Variants in NEK10 observed in about 807,000 individuals in gnomAD.
NEK10 encodes NIMA related kinase 10, also known as serine/threonine-protein kinase Nek10.
A neutral mutation model predicts 159.8 loss-of-function variants in NEK10; 122 were observed. That is an observed-to-expected ratio of 0.76 (90% CI 0.66 to 0.89). NEK10 has a LOEUF of 0.89. Among genes scored for constraint, NEK10 ranks in the 40% least tolerant of loss-of-function variants. The probability of loss-of-function intolerance (pLI) is 0.00; values close to 1 mark genes in which losing one functional copy is unlikely to be tolerated. For missense variants in NEK10, 1,342 were observed against 1,323.1 expected, an observed-to-expected ratio of 1.01 and a Z score of -0.22; for synonymous variants, 466 against 457.1, an observed-to-expected ratio of 1.02 and a Z score of -0.25.
chr3:27,298,977 T>G (rs1156850842), intron 13 of NEK10, among the ~76,000 whole-genome samples: 1 of 152,150 alleles, frequency 6.6e-6, no homozygotes, highest in Non-Finnish European at 1.5e-5. Context: ...TTTGGAAAAT[T>G]TGCCATCTGA....
At position 27,131,954 on chromosome 3, in the gene NEK10, C is replaced by T. The variant is rs766066353; in HGVS notation, c.3007G>A (p.Val1003Ile). The T allele has an allele frequency of 1.2e-6, 2 of 1,608,426 alleles. No homozygotes were observed. The highest frequency in any genetic ancestry group is 8.5e-7 in the Non-Finnish European group (1 of 1,175,900). The change falls in exon 32 of 36, where the codon GTT becomes ATT. Residue 1003 changes from valine to isoleucine, a missense_variant. Coordinates refer to ENST00000691995, the MANE Select transcript of NEK10 (RefSeq NM_001394966.1). ...PALHHNLKRR[V>I]IERFKKSLFS... ...AGGGATTTCTTGAATCTCTCTATAA[C>T]CCTTCTTTTCAAATTGTGGTGCAAA...
At chr3:27,177,195 C>T (rs543201631) in intron 26 of NEK10, among the ~76,000 whole-genome samples, 125 of 152,192 alleles carry the variant, frequency 8.2e-4, no homozygotes, top group Non-Finnish European at 1.5e-3. Flanking sequence ...GATGCTTTTT[C>T]AGACTCTGTA....
At chr3:27,302,145 C>T (rs1471151865) in intron 12 of NEK10, among the ~76,000 whole-genome samples, 1 of 152,138 alleles carries the variant, frequency 6.6e-6, no homozygotes, top group Non-Finnish European at 1.5e-5. Context: ...CTTGATTATT[C>T]TCAGTTTCCT....
At chr3:27,176,428 G>A (rs1303885378) in intron 26 of NEK10, among the ~76,000 whole-genome samples, 2 of 152,268 alleles carry the variant, frequency 1.3e-5, no homozygotes, top group South Asian at 2.1e-4. Flanking sequence ...GCCGCTCTCT[G>A]GCAAAAGATA....
chr3:27,151,184 G>A lies in NEK10; in HGVS notation c.2870-9602C>T, dbSNP rs528294248. Reference sequence around the variant, plus strand: ...TGGTCTTTGGAAAACACCACCTCCCGGAAGGAGGCCAACCAGCACAAAAAC... The same window carrying A: ...TGGTCTTTGGAAAACACCACCTCCCAGAAGGAGGCCAACCAGCACAAAAAC... On this transcript the variant is annotated intron_variant, in intron 30 of 35. Transcript: ENST00000691995. Among the ~76,000 whole-genome samples the A allele has an allele frequency of 6.6e-5, 10 of 152,194 alleles. No individual in the cohort carries two copies. In the East Asian group the frequency reaches 1.7e-3, roughly 27 times the overall value.
chr3:27,173,232 T>C (rs530820685), intron 28 of NEK10, among the ~76,000 whole-genome samples: 5 of 152,150 alleles, frequency 3.3e-5, no homozygotes, highest in Admixed American at 6.5e-5. Flanking sequence ...TAAAATGTCA[T>C]GCAATAAAAT....
Position 27,279,581 on chromosome 3 carries a change from T to C in NEK10, c.2014+5021A>G, listed in dbSNP as rs528405711. ...ATCAATAGAGATAGACACTGAAAAA[T>C]ATTTCAGCACTATTATATTTAAAGT... On this transcript the variant is annotated intron_variant, in intron 22 of 35. Coordinates refer to ENST00000691995, the MANE Select transcript of NEK10 (RefSeq NM_001394966.1). Among the ~76,000 whole-genome samples the C allele has an allele frequency of 5.9e-5, 9 of 152,292 alleles. No homozygotes were observed. In the South Asian group the frequency reaches 1.9e-3, roughly 32 times the overall value.
intron 16 of NEK10, among the ~76,000 whole-genome samples, chr3:27,292,325 C>T (rs751371407): frequency 8.5e-5 from 13 of 152,126 alleles, no homozygotes; most frequent in African/African-American, 3.1e-4. Context: ...GGGTGTGGAG[C>T]ACTTTCACAA....
chr3:27,245,931 T>C (rs1421062547), intron 23 of NEK10, among the ~76,000 whole-genome samples: 1 of 152,158 alleles, frequency 6.6e-6, no homozygotes, highest in African/African-American at 2.4e-5. Context: ...AGGTATTAAA[T>C]GTTCAAAATG....
At chr3:27,159,194 T>A (rs934629099) in intron 30 of NEK10, among the ~76,000 whole-genome samples, 3 of 152,198 alleles carry the variant, frequency 2.0e-5, no homozygotes, top group Admixed American at 6.5e-5. Context: ...AAGTATGTTT[T>A]CATCATTTCT....
intron 23 of NEK10, among the ~76,000 whole-genome samples, chr3:27,230,702 A>T (rs1953150609): frequency 2.6e-5 from 4 of 152,074 alleles, no homozygotes; most frequent in Non-Finnish European, 5.9e-5. Context: ...AGAAATGAAA[A>T]GCAAGCAGGA....
intron 12 of NEK10, among the ~76,000 whole-genome samples, chr3:27,303,503 T>TA (rs2043994921): frequency 6.6e-6 from 1 of 152,216 alleles, no homozygotes; most frequent in Non-Finnish European, 1.5e-5. Context: ...TTGGCAATTG[T>TA]AATTATTTTG....
chr3:27,155,893 C>A (rs913902196), intron 30 of NEK10, among the ~76,000 whole-genome samples: 2 of 152,124 alleles, frequency 1.3e-5, no homozygotes, highest in Admixed American at 6.5e-5. Context: ...TCAAACTATA[C>A]TATAAGGCCA....
Position 27,284,840 on chromosome 3 carries a change from C to T in NEK10, c.1911G>A (p.Gln637=). 1 of 1,581,942 alleles carries T rather than the reference C, an allele frequency of 6.3e-7. No homozygotes were observed. The highest frequency in any genetic ancestry group is 2.2e-5 in the East Asian group (1 of 44,718). The change falls in exon 21 of 36, where the codon CAG becomes CAA. Residue 637 remains glutamine, a splice_region_variant and synonymous_variant. Transcript: ENST00000691995. The part of the protein sequence containing the change: ...TEERLWKIFI[Q]LCLALRYLHK... ...AAATTTAATGAAGATAAAAGCATAC[C>T]TGTATAAATATTTTCCATAGTCTTT...
At chr3:27,175,097 G>A (rs1273024678) in intron 26 of NEK10, among the ~76,000 whole-genome samples, 2 of 152,164 alleles carry the variant, frequency 1.3e-5, no homozygotes, top group Non-Finnish European at 2.9e-5. Flanking sequence ...ATATAACCCA[G>A]TAGCGGGGGG....
chr3:27,300,963 TC>T (rs1449529380), intron 13 of NEK10, among the ~76,000 whole-genome samples: 1 of 152,006 alleles, frequency 6.6e-6, no homozygotes, highest in Non-Finnish European at 1.5e-5. Context: ...CTCTCCCACT[TC>T]CCCACTCCCT....
chr3:27,239,694 G>T (rs547442364), intron 23 of NEK10, among the ~76,000 whole-genome samples: 4 of 152,146 alleles, frequency 2.6e-5, no homozygotes, highest in East Asian at 1.9e-4. Context: ...GAATCAAAAG[G>T]TTACAAAAAC....
rs1221101218 is a variant in NEK10 at position 27,314,306 on chromosome 3, G to A, written c.480C>T (p.Asn160=). Residue 160 remains asparagine (N), a synonymous_variant, in exon 7 of 36, where the codon AAC becomes AAT. Coordinates refer to ENST00000691995, the MANE Select transcript of NEK10 (RefSeq NM_001394966.1). ...EILHSLGGIE[N]LAQYMEIVAN... ...ACAAAAGGAATCTTACCTGAGCTAGGTTTTCAATCCCACCCAAGCTATGGA... is the reference window on the plus strand; with the variant it reads ...ACAAAAGGAATCTTACCTGAGCTAGATTTTCAATCCCACCCAAGCTATGGA... The A allele has an allele frequency of 1.2e-6, 2 of 1,602,854 alleles. No homozygotes were observed. Among genetic ancestry groups the A allele is most frequent in the South Asian group, 1.1e-5 (1 of 88,774 alleles).
In NEK10 at chr3:27,107,205, C is replaced by T. The variant is rs548012981; in HGVS notation, c.*4067G>A. On this transcript the variant is annotated 3_prime_UTR_variant, in exon 36 of 36. Transcript: ENST00000691995. The stretch of plus-strand genomic sequence containing the variant: ...CTTCATTTTTAAAAACAACTATTGC[C>T]CATGAACTCAGAAAATATGTAAATT... 8.5e-4 allele frequency among the ~76,000 whole-genome samples: 130 copies of T among 152,074 alleles called. 1 individual carries two copies. Among genetic ancestry groups the T allele is most frequent in the African/African-American group, 2.5e-3 (104 of 41,474 alleles).
Sources: gnomAD v4.1 joint callset for allele counts (sites outside exome capture counted in the v4.1 genomes callset) on GRCh38, gnomAD v4.1.1 for gene constraint, MANE v1.5 for transcripts, NCBI Gene and HGNC (gene_info 2026-07-23, HGNC 2026-07-21) for gene names.